The following PSMB10 variants were observed in gnomAD, a reference collection of about 807,000 sequenced individuals.
The protein encoded by PSMB10 is proteasome subunit beta type-10.
Under a neutral mutation model 29.8 loss-of-function variants are expected in PSMB10, and 29 were observed. The observed-to-expected ratio is 0.97, with a 90% CI of 0.73 to 1.33. The LOEUF is 1.33. Ranked by LOEUF, PSMB10 falls within the 40% of genes most tolerant of loss-of-function variation. The probability of loss-of-function intolerance (pLI) is 0.00; values close to 1 mark genes in which losing one functional copy is unlikely to be tolerated. For synonymous variants in PSMB10, 157 were observed against 164.7 expected, an observed-to-expected ratio of 0.95 and a Z score of 0.36; for missense variants, 327 against 369.2, an observed-to-expected ratio of 0.89 and a Z score of 0.94.
chr16:67,936,775 G>A lies in PSMB10; in HGVS notation c.-26C>T. ...CTTGGGGCAGGCAGAGGGGATTAGGGGTCGCGGGCGGATGAGTCGGCCAGA... is the reference window on the plus strand; with the variant it reads ...CTTGGGGCAGGCAGAGGGGATTAGGAGTCGCGGGCGGATGAGTCGGCCAGA... On this transcript the variant is annotated 5_prime_UTR_variant, in exon 1 of 8. Coordinates refer to ENST00000358514, the MANE Select transcript of PSMB10 (RefSeq NM_002801.4). 1 of 1,546,834 alleles carries A rather than the reference G, an allele frequency of 6.5e-7. No homozygotes were observed.
rs778539649 is a variant in PSMB10 at position 67,934,866 on chromosome 16, G to T, written c.641C>A (p.Ala214Glu). The change falls in exon 7 of 8, where the codon GCA becomes GAA. Residue 214 changes from alanine to glutamate, a missense_variant. Ala to Glu is a moderately radical substitution (Grantham distance 107). Transcript: ENST00000358514. This position sits in a 1 kb window ranked among gnomAD's most constrained non-coding sequence, Gnocchi z 4.3. ...GGCGCCAGTCTTTGTGATCACACAT[G>T]CGTCCACATTGCCCCCGGAGCCCAG... ...GDLGSGGNVD[A>E]CVITKTGAKL... 1 of 1,614,042 alleles carries T rather than the reference G, an allele frequency of 6.2e-7. No individual in the cohort carries two copies. Among genetic ancestry groups the T allele is most frequent in the Non-Finnish European group, 8.5e-7 (1 of 1,180,026 alleles).
intron 1 of PSMB10, 24 bp from the exon 2 acceptor site, chr16:67,936,509 T>C: frequency 6.3e-7 from 1 of 1,599,212 alleles, no homozygotes; most frequent in Non-Finnish European, 8.5e-7. Flanking sequence ...AGGGCGCCCA[T>C]GTTTCGGCTC....
In PSMB10 at chr16:67,936,682, C is replaced by T. The variant is rs749277014; in HGVS notation, c.56+12G>A. 4.5e-5 allele frequency: 69 copies of T among 1,550,106 alleles called. 1 individual carries two copies. The highest frequency in any genetic ancestry group is 2.3e-4 in the South Asian group (19 of 84,204). On this transcript the variant is annotated intron_variant, in intron 1 of 7. Transcript: ENST00000358514. ...GGCTCAGGAGTGACCGCCCCCCGCG[C>T]CCCCGCTTCACCTTTGGCAGTTCTC...
In PSMB10 at chr16:67,935,703, C is replaced by A; in HGVS notation, c.384-6G>T. 6.2e-7 allele frequency: 1 copy of A among 1,613,014 alleles called. No individual in the cohort carries two copies. Among genetic ancestry groups the A allele is most frequent in the South Asian group, 1.1e-5 (1 of 91,030 alleles). The stretch of plus-strand genomic sequence containing the variant: ...CACCCACGTGGCCCTGGTACCTGCT[C>A]GAGGATGGGCGGGGTCGGCCACAAG... On this transcript the variant is annotated splice_region_variant and splice_polypyrimidine_tract_variant and intron_variant, in intron 4 of 7. Transcript: ENST00000358514.
At chr16:67,935,880 C>G in intron 4 of PSMB10, 83 bp downstream of exon 4, 1 of 1,549,956 alleles carries the variant, frequency 6.5e-7, no homozygotes, top group Non-Finnish European at 8.7e-7. Context: ...CGTCGCGGTC[C>G]CGCCCTTCTT....
At chr16:67,935,910 G>A (rs1598200001) in intron 4 of PSMB10, 53 bp downstream of exon 4, 7 of 1,579,450 alleles carry the variant, frequency 4.4e-6, no homozygotes, top group Non-Finnish European at 6.0e-6. Context: ...CCTTCCAATG[G>A]CCCCAACCCC....
At position 67,936,022 on chromosome 16, in the gene PSMB10, A is replaced by G. The variant is rs1305468416; in HGVS notation, c.324T>C (p.Ser108=). Residue 108 remains serine, a synonymous_variant, in exon 4 of 8, where the codon TCT becomes TCC. Transcript: ENST00000358514. Reference sequence around the variant, plus strand: ...TGGCCACGCGGGGCTCGCGGCCCGTAGATAACGCGTGTAGCTCCATCTTGG... The same window carrying G: ...TGGCCACGCGGGGCTCGCGGCCCGTGGATAACGCGTGTAGCTCCATCTTGG... ...VASKMELHAL[S]TGREPRVATV... is the part of the protein sequence containing the mutation. 1.9e-6 allele frequency: 3 copies of G among 1,612,698 alleles called. No homozygotes were observed. The highest frequency in any genetic ancestry group is 1.7e-6 in the Non-Finnish European group (2 of 1,179,468).
At position 67,934,958 on chromosome 16, in the gene PSMB10, T is replaced by C. The variant is rs1165505997; in HGVS notation, c.559-10A>G. 5 of 1,608,970 alleles carry C rather than the reference T, an allele frequency of 3.1e-6. No homozygotes were observed. The highest frequency in any genetic ancestry group is 2.2e-5 in the South Asian group (2 of 91,014). On this transcript the variant is annotated splice_polypyrimidine_tract_variant and intron_variant, in intron 6 of 7. Coordinates refer to ENST00000358514, the MANE Select transcript of PSMB10 (RefSeq NM_002801.4). This position sits in a 1 kb window ranked among gnomAD's most constrained non-coding sequence, Gnocchi z 4.3. ...CCTGAGCAGCCTCCAGCTGCGGTGA[T>C]GGGTGTGTGAGACCTAACGGGCTCT...
Position 67,936,808 on chromosome 16 carries a change from G to C in PSMB10, c.-59C>G. 1 of 1,445,680 alleles carries C rather than the reference G, an allele frequency of 6.9e-7. No individual in the cohort carries two copies. Among genetic ancestry groups the C allele is most frequent in the Non-Finnish European group, 9.5e-7 (1 of 1,057,560 alleles). The allele number at this position is 1,445,680 out of a possible 1,614,324, so 89.6% of individuals were successfully genotyped here. On this transcript the variant is annotated 5_prime_UTR_variant, in exon 1 of 8. Coordinates refer to ENST00000358514, the MANE Select transcript of PSMB10 (RefSeq NM_002801.4). ...GCGGATGAGTCGGCCAGACAAGCGG[G>C]GCCAGTGAGCAGCTAAAAAGTCCTC...
chr16:67,936,495 G>T lies in PSMB10; in HGVS notation c.57-10C>A, dbSNP rs754747633. 6.2e-7 allele frequency: 1 copy of T among 1,610,000 alleles called. No individual in the cohort carries two copies. The highest frequency in any genetic ancestry group is 8.5e-7 in the Non-Finnish European group (1 of 1,178,028). ...TTCCAATGATGCATTTCTGGAAACGGAGGAGGGCGCCCATGTTTCGGCTCT... is the reference window on the plus strand; with the variant it reads ...TTCCAATGATGCATTTCTGGAAACGTAGGAGGGCGCCCATGTTTCGGCTCT... On this transcript the variant is annotated splice_polypyrimidine_tract_variant and intron_variant, in intron 1 of 7. Coordinates refer to ENST00000358514, the MANE Select transcript of PSMB10 (RefSeq NM_002801.4).
chr16:67,936,283 T>A lies in PSMB10; in HGVS notation c.174A>T (p.Arg58=). 6.2e-7 allele frequency: 1 copy of A among 1,613,698 alleles called. No homozygotes were observed. Among genetic ancestry groups the A allele is most frequent in the African/African-American group, 1.3e-5 (1 of 74,982 alleles). ...CCGCCACGACCGAATCGTTAGTGGC[T>A]CGCGTATCGGCGCCCAGAATGACCC... ...QDGVILGADT[R]ATNDSVVADK... The change falls in exon 3 of 8, where the codon CGA becomes CGT. Residue 58 remains arginine (R), a synonymous_variant. Transcript: ENST00000358514.
rs368944683 is a variant in PSMB10 at position 67,936,267 on chromosome 16, C to A, written c.190G>T (p.Val64Phe). Reference protein sequence around the residue: ...GADTRATNDSVVADKSCEKIH... With the variant: ...GADTRATNDSFVADKSCEKIH... ...TTCTCGCAGCTCTTGTCCGCCACGA[C>A]CGAATCGTTAGTGGCTCGCGTATCG... The change falls in exon 3 of 8, where the codon GTC becomes TTC. Residue 64 changes from valine (V) to phenylalanine (F), a missense_variant. Transcript: ENST00000358514. 95 of 1,614,036 alleles carry A rather than the reference C, an allele frequency of 5.9e-5. 5 individuals carry two copies. In the South Asian group the frequency reaches 1.0e-3, roughly 17 times the overall value.
chr16:67,935,803 G>T, intron 4 of PSMB10, 106 bp from the exon 5 acceptor site: 1 of 1,481,466 alleles, frequency 6.8e-7, no homozygotes, highest in South Asian at 1.2e-5. Context: ...GCTGGCGCCC[G>T]ATGACTGACA....
At chr16:67,935,015 ACTTGCCT>A in intron 6 of PSMB10, 67 bp from the exon 7 acceptor site, 2 of 1,564,112 alleles carry the variant, frequency 1.3e-6, no homozygotes, top group Non-Finnish European at 1.7e-6. Context: ...CAGCCTGGGG[ACTTGCCT>A]GTCCACTTAC....
Position 67,936,087 on chromosome 16 carries a change from C to T in PSMB10, c.259G>A (p.Val87Ile), listed in dbSNP as rs1315326341. Residue 87 changes from valine to isoleucine, a missense_variant, in exon 4 of 8, where the codon GTA becomes ATA. By Grantham distance (29) the Val-to-Ile change is conservative. Transcript: ENST00000358514. ...APKIYCCGAG[V>I]AADAEMTTRM... ...GTGGTCATCTCGGCGTCCGCGGCTA[C>T]TCCAGCCCCACAGCAGCTGAGGCAA... 1 of 1,610,112 alleles carries T rather than the reference C, an allele frequency of 6.2e-7. No homozygotes were observed.
At position 67,936,244 on chromosome 16, in the gene PSMB10, C is replaced by T. The variant is rs1335918293; in HGVS notation, c.213G>A (p.Glu71=). Residue 71 remains glutamate (E), a synonymous_variant, in exon 3 of 8, where the codon GAG becomes GAA. Coordinates refer to ENST00000358514, the MANE Select transcript of PSMB10 (RefSeq NM_002801.4). The part of the protein sequence containing the change: ...NDSVVADKSC[E]KIHFIAPKIY... ...TTTTGGGGGCGATGAAGTGGATCTT[C>T]TCGCAGCTCTTGTCCGCCACGACCG... The T allele has an allele frequency of 1.9e-6, 3 of 1,614,082 alleles. No homozygotes were observed. The highest frequency in any genetic ancestry group is 1.1e-5 in the South Asian group (1 of 91,088).
intron 3 of PSMB10, 42 bp downstream of exon 3, chr16:67,936,173 C>T: frequency 1.3e-5 from 21 of 1,611,344 alleles, no homozygotes; most frequent in Non-Finnish European, 1.7e-5. Context: ...AACGAGGGGG[C>T]CGTTCTTTTT....
Position 67,934,685 on chromosome 16 carries a change from G to C in PSMB10, c.711-14C>G. 1 of 1,613,716 alleles carries C rather than the reference G, an allele frequency of 6.2e-7. No individual in the cohort carries two copies. Among genetic ancestry groups the C allele is most frequent in the South Asian group, 1.1e-5 (1 of 91,064 alleles). ...TAGCGGCCAGACCTGGGAGGGAGGA[G>C]GGACAGCCTCTGAACATGGGCCTGT... On this transcript the variant is annotated splice_polypyrimidine_tract_variant and intron_variant, in intron 7 of 7. Transcript: ENST00000358514. This position sits in a 1 kb window ranked among gnomAD's most constrained non-coding sequence, Gnocchi z 4.3.
In PSMB10 at chr16:67,936,289, A is replaced by T. The variant is rs780861968; in HGVS notation, c.168T>A (p.Asp56Glu). The change falls in exon 3 of 8, where the codon GAT becomes GAA. Residue 56 changes from aspartate to glutamate, a missense_variant. Physicochemically the swap from Asp to Glu is conservative, Grantham distance 45. Coordinates refer to ENST00000358514, the MANE Select transcript of PSMB10 (RefSeq NM_002801.4). ...CGACCGAATCGTTAGTGGCTCGCGTATCGGCGCCCAGAATGACCCCGTCCT... is the reference window on the plus strand; with the variant it reads ...CGACCGAATCGTTAGTGGCTCGCGTTTCGGCGCCCAGAATGACCCCGTCCT... ...VFQDGVILGADTRATNDSVVA... is the reference protein window; with the variant it reads ...VFQDGVILGAETRATNDSVVA... 1.2e-6 allele frequency: 2 copies of T among 1,613,224 alleles called. No homozygotes were observed. The highest frequency in any genetic ancestry group is 2.2e-5 in the South Asian group (2 of 91,048).
Sources: allele counts gnomAD v4.1 joint callset, GRCh38; gene constraint gnomAD v4.1.1; non-coding constraint Gnocchi (gnomAD v3.1); transcripts MANE v1.5; gene names NCBI Gene and HGNC (gene_info 2026-07-23, HGNC 2026-07-21).